The following MGMT variants were observed in gnomAD, a reference collection of about 807,000 sequenced individuals.
MGMT encodes methylated-DNA--protein-cysteine methyltransferase.
In MGMT, 14 loss-of-function variants were observed where a neutral mutation model predicts 15.9. The ratio of observed to expected loss-of-function variants is 0.88; its 90% CI spans 0.58 to 1.37. The LOEUF (loss-of-function observed/expected upper bound fraction) is 1.37. Among genes scored for constraint, MGMT ranks in the 40% most tolerant of loss-of-function variants. The pLI is 0.00. For missense variants in MGMT, 282 were observed against 268.1 expected (o/e 1.05, Z -0.36); for synonymous variants, 130 against 118.2 (o/e 1.10, Z -0.65).
intron 3 of MGMT, among the ~76,000 whole-genome samples, chr10:129,723,733 C>T (rs1443229620): frequency 6.6e-6 from 1 of 152,144 alleles, no homozygotes; most frequent in Non-Finnish European, 1.5e-5. Context: ...CTCACATTTT[C>T]ATCGCAAAGA....
intron 1 of MGMT, among the ~76,000 whole-genome samples, chr10:129,501,469 A>AAT (rs1240585222): frequency 2.6e-5 from 4 of 152,180 alleles, no homozygotes; most frequent in African/African-American, 9.7e-5. Context: ...GAGTTAACTA[A>AAT]ATAGAATGTT....
chr10:129,550,683 TGATCC>T, intron 2 of MGMT, among the ~76,000 whole-genome samples: 2 of 152,100 alleles, frequency 1.3e-5, no homozygotes, highest in Non-Finnish European at 2.9e-5. Context: ...TGACCTCAGG[TGATCC>T]ACCTTCCTTA....
rs939856196 is a variant in MGMT, at chr10:129,659,418, C to A, written c.126-48477C>A. Among the ~76,000 whole-genome samples, 1 of 151,414 alleles carries A rather than the reference C, an allele frequency of 6.6e-6. No homozygotes were observed. ...CTCTGCCTGGGTTGTTTTCTAAATG[C>A]GTTTGGCTGGAGATAGAACAGATCC... On this transcript the variant is annotated intron_variant, in intron 2 of 4. Coordinates refer to ENST00000651593, the MANE Select transcript of MGMT (RefSeq NM_002412.5). The surrounding 1 kb of genome is among the most constrained non-coding windows in gnomAD (Gnocchi z 4.1).
chr10:129,483,331 T>C (rs1845377774), intron 1 of MGMT, among the ~76,000 whole-genome samples: 1 of 152,208 alleles, frequency 6.6e-6, no homozygotes, highest in Admixed American at 6.5e-5. Flanking sequence ...TTTACATTTA[T>C]TTGCATATTT....
At chr10:129,559,997 G>A (rs1024671367) in intron 2 of MGMT, among the ~76,000 whole-genome samples, 2 of 152,142 alleles carry the variant, frequency 1.3e-5, no homozygotes, top group Non-Finnish European at 2.9e-5. Flanking sequence ...CAGTCCCATC[G>A]TATTCATTTA....
chr10:129,486,636 T>TA (rs1232538901), intron 1 of MGMT, among the ~76,000 whole-genome samples: 1 of 151,954 alleles, frequency 6.6e-6, no homozygotes, highest in African/African-American at 2.4e-5. Flanking sequence ...TTAAGAAACA[T>TA]AAAAAAATTT....
intron 3 of MGMT, among the ~76,000 whole-genome samples, chr10:129,717,260 T>C (rs1380816030): frequency 1.3e-5 from 2 of 152,220 alleles, no homozygotes; most frequent in Non-Finnish European, 2.9e-5. Flanking sequence ...TTTGAAATCT[T>C]TGGGGTTTTA....
intron 2 of MGMT, among the ~76,000 whole-genome samples, chr10:129,633,364 C>T (rs1847232415): frequency 6.6e-6 from 1 of 152,138 alleles, no homozygotes; most frequent in African/African-American, 2.4e-5. Context: ...GGGATAAATG[C>T]TTCCGTTAAG....
Position 129,767,088 on chromosome 10 carries a change from T to G in MGMT, c.*91T>G. On this transcript the variant is annotated 3_prime_UTR_variant, in exon 5 of 5. Coordinates refer to ENST00000651593, the MANE Select transcript of MGMT (RefSeq NM_002412.5). The stretch of plus-strand genomic sequence containing the variant: ...GGAGGCACCGCTGTATTAAAGGAAG[T>G]GGCAGTGTCCTGGGAACAAGCGTGT... 3 of 1,128,356 alleles carry G rather than the reference T, an allele frequency of 2.7e-6. No homozygotes were observed. Among genetic ancestry groups the G allele is most frequent in the Non-Finnish European group, 3.7e-6 (3 of 812,122 alleles). The allele number at this position is 1,128,356 out of a possible 1,614,324, so 69.9% of individuals were successfully genotyped here. A position where few individuals can be genotyped will look rare whatever the true frequency, so the allele number is the denominator to read the frequency against.
chr10:129,686,644 T>A (rs1847907467), intron 2 of MGMT, among the ~76,000 whole-genome samples: 1 of 152,200 alleles, frequency 6.6e-6, no homozygotes, highest in Non-Finnish European at 1.5e-5. Context: ...ATTATAGACA[T>A]GTGCCACCGT....
chr10:129,759,253 G>A lies in MGMT; in HGVS notation c.326G>A (p.Gly109Glu). Residue 109 changes from glycine (G) to glutamate (E), a missense_variant, in exon 4 of 5, where the codon GGA (glycine) becomes GAA (glutamate). Transcript: ENST00000651593. Reference protein sequence around the residue: ...LWKLLKVVKFGEVISYQQLAA... With the variant: ...LWKLLKVVKFEEVISYQQLAA... ...AAGCTGCTGAAGGTTGTGAAATTCGGAGAAGTGATTTCTTACCAGCAATTA... is the reference window on the plus strand; with the variant it reads ...AAGCTGCTGAAGGTTGTGAAATTCGAAGAAGTGATTTCTTACCAGCAATTA... The A allele has an allele frequency of 6.2e-7, 1 of 1,614,208 alleles. No individual in the cohort carries two copies. Among genetic ancestry groups the A allele is most frequent in the Non-Finnish European group, 8.5e-7 (1 of 1,180,038 alleles).
chr10:129,476,967 A>AGCCTCCCC (rs1845301738), intron 1 of MGMT, among the ~76,000 whole-genome samples: 1 of 152,044 alleles, frequency 6.6e-6, no homozygotes, highest in Non-Finnish European at 1.5e-5. Flanking sequence ...TGGTCCTCGC[A>AGCCTCCCC]GCCTCCCCGC....
intron 1 of MGMT, among the ~76,000 whole-genome samples, chr10:129,524,028 G>A (rs948420474): frequency 6.6e-6 from 1 of 152,164 alleles, no homozygotes; most frequent in African/African-American, 2.4e-5. Context: ...GACCTGTGTT[G>A]AAGACAAGGT....
At chr10:129,492,818 A>G (rs917031069) in intron 1 of MGMT, among the ~76,000 whole-genome samples, 1 of 152,222 alleles carries the variant, frequency 6.6e-6, no homozygotes, top group Non-Finnish European at 1.5e-5. Context: ...TCCTGTGGGA[A>G]CATTGGGCTG....
At chr10:129,487,253 T>C (rs1845417974) in intron 1 of MGMT, among the ~76,000 whole-genome samples, 1 of 152,062 alleles carries the variant, frequency 6.6e-6, no homozygotes, top group Non-Finnish European at 1.5e-5. Context: ...GAAGAAGTCA[T>C]GATGGTTGCA....
chr10:129,494,023 A>G (rs1424728086), intron 1 of MGMT, among the ~76,000 whole-genome samples: 5 of 152,204 alleles, frequency 3.3e-5, no homozygotes, highest in Admixed American at 6.5e-5. Context: ...TCCTACTGTA[A>G]AGATATAACC....
At chr10:129,628,021 T>A (rs903809355) in intron 2 of MGMT, among the ~76,000 whole-genome samples, 5 of 152,364 alleles carry the variant, frequency 3.3e-5, no homozygotes, top group Admixed American at 2.6e-4. Context: ...TGTTTAAAAC[T>A]CTAGCTGGTG....
chr10:129,487,892 G>A (rs910159856), intron 1 of MGMT, among the ~76,000 whole-genome samples: 4 of 149,532 alleles, frequency 2.7e-5, no homozygotes, highest in Non-Finnish European at 5.9e-5. Context: ...CTGTGTGTGT[G>A]TATATATATA....
At chr10:129,693,102 A>T (rs1290123205) in intron 2 of MGMT, among the ~76,000 whole-genome samples, 1 of 152,244 alleles carries the variant, frequency 6.6e-6, no homozygotes, top group Non-Finnish European at 1.5e-5. Flanking sequence ...CTGATGGATT[A>T]TTCTTGTACC....
Sources: gnomAD v4.1 joint callset for allele counts (sites outside exome capture counted in the v4.1 genomes callset) on GRCh38, gnomAD v4.1.1 for gene constraint, Gnocchi (gnomAD v3.1) non-coding constraint, MANE v1.5 for transcripts, NCBI Gene and HGNC (gene_info 2026-07-23, HGNC 2026-07-21) for gene names.